Variants in PRKACA observed in about 807,000 individuals in gnomAD.
The protein encoded by PRKACA is cAMP-dependent protein kinase catalytic subunit alpha.
A neutral mutation model predicts 45.8 loss-of-function variants in PRKACA; 9 were observed. The observed-to-expected ratio is 0.20, with a 90% CI of 0.12 to 0.34. The LOEUF is 0.34. PRKACA is among the 10% of genes least tolerant of loss of function. PRKACA has a pLI of 1.00. For synonymous variants in PRKACA, 160 were observed against 178.6 expected (o/e 0.90, Z 0.83); for missense variants, 238 against 458.6 (o/e 0.52, Z 4.39).
At chr19:14,099,199 A>G (rs1209339426) in intron 5 of PRKACA, among the ~76,000 whole-genome samples, 2 of 152,120 alleles carry the variant, frequency 1.3e-5, no homozygotes, top group Non-Finnish European at 2.9e-5. Flanking sequence ...GGCTGAGACA[A>G]GAGAATCACT....
chr19:14,114,368 C>T (rs978145430), intron 1 of PRKACA, among the ~76,000 whole-genome samples: 1 of 152,070 alleles, frequency 6.6e-6, no homozygotes, highest in Non-Finnish European at 1.5e-5. Flanking sequence ...GACGCGGTTG[C>T]GCTAAGGGGA....
At chr19:14,102,232 C>A (rs1244116287) in intron 4 of PRKACA, among the ~76,000 whole-genome samples, 2 of 151,176 alleles carry the variant, frequency 1.3e-5, no homozygotes, top group African/African-American at 4.9e-5. Flanking sequence ...GTGTGGGGTC[C>A]CTCGGAGAAC....
chr19:14,093,491 T>C, intron 9 of PRKACA, 137 bp downstream of exon 9: 1 of 1,217,218 alleles, frequency 8.2e-7, no homozygotes, highest in South Asian at 1.5e-5. Context: ...ATCCCATTTC[T>C]AGACCCCACT....
intron 4 of PRKACA, 107 bp from the exon 5 acceptor site, chr19:14,101,015 G>A (rs958150255): frequency 1.2e-4 from 115 of 925,560 alleles, no homozygotes; most frequent in South Asian, 7.5e-4. Context: ...TGACAACAGC[G>A]ATCCTGGCTC....
At chr19:14,101,000 T>C (rs142009995) in intron 4 of PRKACA, 92 bp from the exon 5 acceptor site, 805 of 1,118,900 alleles carry the variant, frequency 7.2e-4, no homozygotes, top group Non-Finnish European at 7.9e-4. Context: ...TGTTCAAACA[T>C]TAAATGACAA....
At position 14,093,247 on chromosome 19, in the gene PRKACA, G is replaced by A. The variant is rs751342757; in HGVS notation, c.931-10C>T. 19 of 1,609,948 alleles carry A rather than the reference G, an allele frequency of 1.2e-5. No homozygotes were observed. The highest frequency in any genetic ancestry group is 1.6e-5 in the Non-Finnish European group (19 of 1,178,630). On this transcript the variant is annotated splice_polypyrimidine_tract_variant and intron_variant, in intron 9 of 9. Transcript: ENST00000308677. ...TGAAGGGAGCTTCCACCTGGAGAGG[G>A]ATCAAGAATCACCCAGACCTCAGCA...
intron 1 of PRKACA, among the ~76,000 whole-genome samples, chr19:14,109,236 A>C (rs1038288503): frequency 6.6e-6 from 1 of 151,834 alleles, no homozygotes; most frequent in East Asian, 2.0e-4. Context: ...TAATCCCAGC[A>C]CTTTGGGAGG....
chr19:14,115,421 T>C (rs1967087192), intron 1 of PRKACA, among the ~76,000 whole-genome samples: 1 of 152,156 alleles, frequency 6.6e-6, no homozygotes, highest in Non-Finnish European at 1.5e-5. Context: ...TCCAAGAAGT[T>C]TGCTGGTAGA....
intron 3 of PRKACA, among the ~76,000 whole-genome samples, chr19:14,103,356 AG>A (rs1332455321): frequency 1.3e-5 from 2 of 152,162 alleles, no homozygotes; most frequent in African/African-American, 4.8e-5. Flanking sequence ...ACCCTTGTCT[AG>A]AACACTCCAC....
At chr19:14,094,189 A>C (rs1315875347) in intron 8 of PRKACA, among the ~76,000 whole-genome samples, 1 of 133,600 alleles carries the variant, frequency 7.5e-6, no homozygotes, top group African/African-American at 3.2e-5. Flanking sequence ...TTTTTTGAAA[A>C]AAAAAAAAAA....
At chr19:14,106,724 G>C in intron 3 of PRKACA, 36 bp downstream of exon 3, 1 of 1,613,240 alleles carries the variant, frequency 6.2e-7, no homozygotes, top group Non-Finnish European at 8.5e-7. Flanking sequence ...GCAAAGGCCT[G>C]ACAGGCAGGC....
chr19:14,107,101 G>A (rs1423680040), intron 2 of PRKACA, among the ~76,000 whole-genome samples: 1 of 151,570 alleles, frequency 6.6e-6, no homozygotes, highest in Non-Finnish European at 1.5e-5. Flanking sequence ...CCTGGGGCCT[G>A]GAAGCTGCTG....
chr19:14,098,021 C>A, intron 5 of PRKACA, 131 bp from the exon 6 acceptor site: 1 of 1,168,910 alleles, frequency 8.6e-7, no homozygotes. Flanking sequence ...GCACCTGATT[C>A]TTAGATAGCC....
intron 3 of PRKACA, among the ~76,000 whole-genome samples, chr19:14,105,897 T>A (rs879346417): frequency 3.3e-4 from 51 of 152,322 alleles, no homozygotes; most frequent in African/African-American, 1.2e-3. Context: ...TAAACACCAC[T>A]TCCCCCAAGA....
At chr19:14,115,079 T>G (rs1967080768) in intron 1 of PRKACA, 1 of 985,284 alleles carries the variant, frequency 1.0e-6, no homozygotes, top group Non-Finnish European at 1.2e-6. Flanking sequence ...AAAGAGGGAC[T>G]TCCTTCCTCA....
chr19:14,094,663 A>G (rs1042167622), intron 8 of PRKACA, among the ~76,000 whole-genome samples: 2 of 152,204 alleles, frequency 1.3e-5, no homozygotes, highest in African/African-American at 4.8e-5. Context: ...TGATGGGGCA[A>G]TTCCATCTCA....
At chr19:14,101,731 C>T (rs559286058) in intron 4 of PRKACA, among the ~76,000 whole-genome samples, 2 of 151,250 alleles carry the variant, frequency 1.3e-5, no homozygotes, top group Non-Finnish European at 2.9e-5. Flanking sequence ...TGTGATGGCA[C>T]ATGCCTGTAA....
chr19:14,092,283 T>G lies in PRKACA; in HGVS notation c.*829A>C. 4.8e-6 allele frequency: 1 copy of G among 208,362 alleles called. No homozygotes were observed. The highest frequency in any genetic ancestry group is 9.6e-6 in the Non-Finnish European group (1 of 104,710). 12.9% of individuals were successfully genotyped at this position (208,362 alleles called of 1,614,324 possible). On this transcript the variant is annotated 3_prime_UTR_variant, in exon 10 of 10. Transcript: ENST00000308677. ...TTTGGCAGGGAGAGGGGCAGCTGCT[T>G]TGTCTGGCTTTCAAAGCCCAAGGGT...
At chr19:14,114,256 A>AG (rs1009001806) in intron 1 of PRKACA, 110 of 1,491,326 alleles carry the variant, frequency 7.4e-5, no homozygotes, top group Non-Finnish European at 9.5e-5. Context: ...CCCTGCCTGC[A>AG]GGGGGAGCTA....
Sources: gnomAD v4.1 joint callset for allele counts (sites outside exome capture counted in the v4.1 genomes callset) on GRCh38, gnomAD v4.1.1 for gene constraint, MANE v1.5 for transcripts, NCBI Gene and HGNC (gene_info 2026-07-23, HGNC 2026-07-21) for gene names.